Variants in PPTC7 observed in about 807,000 individuals in gnomAD.
PPTC7 encodes the protein protein phosphatase PTC7 homolog.
Under a neutral mutation model 30.8 loss-of-function variants are expected in PPTC7, and 6 were observed. The observed-to-expected ratio is 0.19, with a 90% CI of 0.11 to 0.38. PPTC7 has a LOEUF of 0.38. Among genes scored for constraint, PPTC7 ranks in the 10% least tolerant of loss-of-function variants. PPTC7 has a pLI of 1.00. For synonymous variants in PPTC7, 163 were observed against 168.1 expected, an observed-to-expected ratio of 0.97 and a Z score of 0.23; for missense variants, 218 against 404.8, an observed-to-expected ratio of 0.54 and a Z score of 3.96.
At position 110,538,287 on chromosome 12, in the gene PPTC7, T is replaced by C; in HGVS notation, c.727-14A>G. On this transcript the variant is annotated splice_polypyrimidine_tract_variant and intron_variant, in intron 4 of 5. Coordinates refer to ENST00000354300, the MANE Select transcript of PPTC7 (RefSeq NM_139283.2). ...ATAATTTGAATTCTAAGATAAAGCA[T>C]GAGGAAGTTATTTTACCATAATGCT... is the stretch of plus-strand genomic sequence containing the variant. 6.2e-7 allele frequency: 1 copy of C among 1,612,374 alleles called. No homozygotes were observed. The highest frequency in any genetic ancestry group is 8.5e-7 in the Non-Finnish European group (1 of 1,178,540).
rs529441084 is a variant in PPTC7, at chr12:110,553,793, A to G, written c.224-1825T>C. On this transcript the variant is annotated intron_variant, in intron 1 of 5. Transcript: ENST00000354300. ...GACCTGGTCTCAAAAAATGAAACAG[A>G]AAAAGAATATTTTAGATATAATGCA... 7.2e-5 allele frequency among the ~76,000 whole-genome samples: 11 copies of G among 152,316 alleles called. No homozygotes were observed. The East Asian group carries it at 2.1e-3, about 29-fold the overall frequency.
intron 1 of PPTC7, among the ~76,000 whole-genome samples, chr12:110,555,064 G>C (rs2064375533): frequency 1.3e-5 from 2 of 152,064 alleles, no homozygotes; most frequent in South Asian, 4.1e-4. Flanking sequence ...GAATGTATTT[G>C]GTACAAAAGT....
intron 1 of PPTC7, among the ~76,000 whole-genome samples, chr12:110,578,729 G>A (rs1019871221): frequency 2.0e-5 from 3 of 152,122 alleles, no homozygotes; most frequent in Non-Finnish European, 4.4e-5. Flanking sequence ...ATTATCTACA[G>A]AACCAAAAGG....
At chr12:110,542,023 A>G (rs2064265030) in intron 3 of PPTC7, among the ~76,000 whole-genome samples, 1 of 151,586 alleles carries the variant, frequency 6.6e-6, no homozygotes, top group South Asian at 2.1e-4. Flanking sequence ...GCGTGCGCCT[A>G]TAATCCCAGC....
chr12:110,545,866 A>G lies in PPTC7; in HGVS notation c.602+14T>C. ...ACGTCCTGCTCACACTTAATGGCTG[A>G]GAGGGGAGATTACCTGTCGCTCAAG... On this transcript the variant is annotated intron_variant, in intron 3 of 5. Coordinates refer to ENST00000354300, the MANE Select transcript of PPTC7 (RefSeq NM_139283.2). 6.2e-7 allele frequency: 1 copy of G among 1,612,472 alleles called. No individual in the cohort carries two copies. The highest frequency in any genetic ancestry group is 8.5e-7 in the Non-Finnish European group (1 of 1,179,612).
At position 110,539,931 on chromosome 12, in the gene PPTC7, T is replaced by G. The variant is rs764631066; in HGVS notation, c.617A>C (p.Asp206Ala). Reference sequence around the variant, plus strand: ...TAGCTGGACATCGAAAGACGTGCTATCAGCAGCATCCGGACTGTGGCAAGG... The same window carrying G: ...TAGCTGGACATCGAAAGACGTGCTAGCAGCAGCATCCGGACTGTGGCAAGG... ...VVLSDSPDAA[D>A]STSFDVQLGD... Residue 206 changes from aspartate to alanine, a missense_variant, in exon 4 of 6, where the codon GAT becomes GCT. By Grantham distance (126) the Asp-to-Ala change is moderately radical. Transcript: ENST00000354300. The G allele has an allele frequency of 2.5e-6, 4 of 1,613,982 alleles. No homozygotes were observed. The Admixed American group carries it at 6.7e-5, about 27-fold the overall frequency.
chr12:110,551,393 T>C (rs1417193718), intron 2 of PPTC7, among the ~76,000 whole-genome samples: 5 of 152,218 alleles, frequency 3.3e-5, no homozygotes. Context: ...TGGCCCAGGC[T>C]GGGGTGCAAT....
chr12:110,566,803 C>T (rs564252372), intron 1 of PPTC7, among the ~76,000 whole-genome samples: 1 of 152,268 alleles, frequency 6.6e-6, no homozygotes, highest in Non-Finnish European at 1.5e-5. Context: ...CACACATCCA[C>T]CACCATTCAA....
chr12:110,540,470 TAA>T (rs770932860), intron 3 of PPTC7, among the ~76,000 whole-genome samples: 31 of 151,758 alleles, frequency 2.0e-4, no homozygotes, highest in Non-Finnish European at 4.1e-4. Flanking sequence ...TACAGGCATG[TAA>T]AATAGTGCCT....
At position 110,533,490 on chromosome 12, in the gene PPTC7, G is replaced by C. The variant is rs140055874; in HGVS notation, c.*3547C>G. ...CTGCTAACAGTTAAAATTCTGACAT[G>C]GACACGTTTTAGTTGAGAAGTTCAA... On this transcript the variant is annotated 3_prime_UTR_variant, in exon 6 of 6. Coordinates refer to ENST00000354300, the MANE Select transcript of PPTC7 (RefSeq NM_139283.2). 59 of 152,156 alleles carry C rather than the reference G, an allele frequency of 3.9e-4. No individual in the cohort carries two copies. In the East Asian group the frequency reaches 0.01, roughly 27 times the overall value. 9.4% of individuals were successfully genotyped at this position (152,156 alleles called of 1,614,324 possible). A position where few individuals can be genotyped will look rare whatever the true frequency, so the allele number is the denominator to read the frequency against.
intron 1 of PPTC7, among the ~76,000 whole-genome samples, chr12:110,562,024 G>A (rs1464124060): frequency 1.3e-5 from 2 of 152,010 alleles, no homozygotes; most frequent in Non-Finnish European, 2.9e-5. Flanking sequence ...TATCCCAAAC[G>A]GAGAGTCGCT....
rs1218530283 is a variant in PPTC7 at position 110,538,318 on chromosome 12, C to G, written c.727-45G>C. ...AGTTATTTTACCATAATGCTCAAGA[C>G]AGTAACATTTATCTAACCACCTTTT... is the stretch of plus-strand genomic sequence containing the variant. On this transcript the variant is annotated intron_variant, in intron 4 of 5. Transcript: ENST00000354300. 5 of 1,576,286 alleles carry G rather than the reference C, an allele frequency of 3.2e-6. No homozygotes were observed. In the South Asian group the frequency reaches 5.6e-5, roughly 18 times the overall value.
Position 110,534,660 on chromosome 12 carries a change from T to C in PPTC7, c.*2377A>G, listed in dbSNP as rs2064205424. 2 of 152,192 alleles carry C rather than the reference T, an allele frequency of 1.3e-5. No individual in the cohort carries two copies. The highest frequency in any genetic ancestry group is 1.3e-4 in the Admixed American group (2 of 15,270). 9.4% of individuals were successfully genotyped at this position (152,192 alleles called of 1,614,324 possible). A position where few individuals can be genotyped will look rare whatever the true frequency, so the allele number is the denominator to read the frequency against. ...ACAGGGGAAAATAGAGAAAATATTT[T>C]ATGTCACTAATCTATAGGCCAGATC... is the stretch of plus-strand genomic sequence containing the variant. On this transcript the variant is annotated 3_prime_UTR_variant, in exon 6 of 6. Transcript: ENST00000354300.
chr12:110,579,612 T>C (rs1199891553), intron 1 of PPTC7, among the ~76,000 whole-genome samples: 1 of 152,174 alleles, frequency 6.6e-6, no homozygotes, highest in Non-Finnish European at 1.5e-5. Context: ...CAAGGAAAGC[T>C]AAAAACCACT....
chr12:110,535,186 G>GTCCAGACCC lies in PPTC7; in HGVS notation c.*1842_*1850dup, dbSNP rs1354450936. 6.6e-6 allele frequency: 1 copy of GTCCAGACCC among 152,320 alleles called. No individual in the cohort carries two copies. The highest frequency in any genetic ancestry group is 2.4e-5 in the African/African-American group (1 of 41,318). 9.4% of individuals were successfully genotyped at this position (152,320 alleles called of 1,614,324 possible). On this transcript the variant is annotated 3_prime_UTR_variant, in exon 6 of 6. Transcript: ENST00000354300. The stretch of plus-strand genomic sequence containing the variant: ...TGATTTCTCCTTAAATAGAGACTCC[G>GTCCAGACCC]TCCAGACCCCCCACCCCGCCCCCAC...
At chr12:110,566,533 G>A (rs949234821) in intron 1 of PPTC7, among the ~76,000 whole-genome samples, 8 of 152,186 alleles carry the variant, frequency 5.3e-5, no homozygotes, top group African/African-American at 1.9e-4. Context: ...TGTGAGGAAC[G>A]AGGATAACCT....
At chr12:110,548,526 T>C (rs539628379) in intron 2 of PPTC7, among the ~76,000 whole-genome samples, 5 of 152,274 alleles carry the variant, frequency 3.3e-5, no homozygotes, top group South Asian at 4.1e-4. Context: ...AGGACAAAGA[T>C]TGCCCATTAC....
intron 5 of PPTC7, among the ~76,000 whole-genome samples, chr12:110,537,801 G>A (rs1205804613): frequency 6.6e-6 from 1 of 152,338 alleles, no homozygotes; most frequent in South Asian, 2.1e-4. Flanking sequence ...TGTCAGACAC[G>A]TGAAAGGCTG....
chr12:110,582,733 C>G (rs2064648984), intron 1 of PPTC7, 76 bp downstream of exon 1: 3 of 1,274,922 alleles, frequency 2.4e-6, no homozygotes, highest in Non-Finnish European at 2.1e-6. Flanking sequence ...CCGGGAGGAA[C>G]TGGGGAAGCC....
Sources: gnomAD v4.1 joint callset for allele counts (sites outside exome capture counted in the v4.1 genomes callset) on GRCh38, gnomAD v4.1.1 for gene constraint, MANE v1.5 for transcripts, NCBI Gene and HGNC (gene_info 2026-07-23, HGNC 2026-07-21) for gene names.